CAPN5: variants seen among roughly 807,000 people sequenced by gnomAD.
The protein encoded by CAPN5 is calpain-5.
Under a neutral mutation model 73.0 loss-of-function variants are expected in CAPN5, and 54 were observed. That is an observed-to-expected ratio of 0.74 (90% CI 0.59 to 0.93). CAPN5 has a LOEUF of 0.93. CAPN5 is among the 40% of genes least tolerant of loss of function. The pLI, the probability that CAPN5 is intolerant of heterozygous loss-of-function variation, is 0.00. For synonymous variants in CAPN5, 335 were observed against 356.9 expected (o/e 0.94, Z 0.69); for missense variants, 785 against 882.9 (o/e 0.89, Z 1.41).
At chr11:77,103,342 C>T (rs1950309183) in intron 3 of CAPN5, 3 of 1,601,344 alleles carry the variant, frequency 1.9e-6, no homozygotes, top group Non-Finnish European at 1.7e-6. Context: ...CAGCAGCTGC[C>T]AGCTGCTGCT....
At chr11:77,096,921 C>A (rs1228612506) in intron 3 of CAPN5, among the ~76,000 whole-genome samples, 2 of 152,150 alleles carry the variant, frequency 1.3e-5, no homozygotes, top group Non-Finnish European at 2.9e-5. Flanking sequence ...CCAGTGGAGG[C>A]ATTTAAAAAT....
At chr11:77,084,470 C>A (rs1950060504) in intron 1 of CAPN5, among the ~76,000 whole-genome samples, 3 of 152,196 alleles carry the variant, frequency 2.0e-5, no homozygotes, top group African/African-American at 7.2e-5. Context: ...GAGGCACACG[C>A]TGCTTTCCTG....
intron 1 of CAPN5, among the ~76,000 whole-genome samples, chr11:77,076,593 C>T (rs1949970921): frequency 6.6e-6 from 1 of 152,132 alleles, no homozygotes; most frequent in South Asian, 2.1e-4. Flanking sequence ...TAAAAAATTC[C>T]ACATATGAGT....
At chr11:77,121,778 CTGGGGACTGCCCA>C (rs2135489022) in intron 10 of CAPN5, among the ~76,000 whole-genome samples, 143 bp from the exon 11 acceptor site, 1 of 152,292 alleles carries the variant, frequency 6.6e-6, no homozygotes, top group South Asian at 2.1e-4. Context: ...GGGCTTGGAG[CTGGGGACTGCCCA>C]TGGGGATTTG....
intron 1 of CAPN5, among the ~76,000 whole-genome samples, chr11:77,079,174 T>G (rs1298125091): frequency 6.6e-6 from 1 of 152,042 alleles, no homozygotes; most frequent in Non-Finnish European, 1.5e-5. Flanking sequence ...ATTATTATTT[T>G]TCCCTAGAGA....
chr11:77,088,130 G>C, intron 2 of CAPN5: 1 of 1,467,476 alleles, frequency 6.8e-7, no homozygotes, highest in Non-Finnish European at 9.0e-7. Context: ...TCCCACATCT[G>C]GGTATGAGCC....
intron 1 of CAPN5, among the ~76,000 whole-genome samples, chr11:77,084,189 C>G (rs1273971541): frequency 6.6e-6 from 1 of 152,226 alleles, no homozygotes; most frequent in Non-Finnish European, 1.5e-5. Context: ...CAGTCTGTGT[C>G]CCTTGCACTT....
intron 4 of CAPN5, among the ~76,000 whole-genome samples, chr11:77,113,917 A>G (rs1555041173): frequency 2.0e-5 from 3 of 151,820 alleles, no homozygotes; most frequent in African/African-American, 7.3e-5. Flanking sequence ...CCTTCTCATC[A>G]TTCCCAGCAG....
intron 2 of CAPN5, among the ~76,000 whole-genome samples, chr11:77,092,203 G>A (rs540604904): frequency 3.3e-5 from 5 of 152,268 alleles, no homozygotes; most frequent in Admixed American, 1.3e-4. Context: ...GGTGACAGAC[G>A]AGACCATGCC....
chr11:77,071,497 G>T (rs959852973), intron 1 of CAPN5: 1 of 381,656 alleles, frequency 2.6e-6, no homozygotes. Context: ...GGGCTGGGGA[G>T]TCCCGCTTTA....
rs782431574 is a variant in CAPN5 at position 77,085,100 on chromosome 11, CCACAAGGCTG to C, written c.165+50_165+59del. 6 of 1,553,960 alleles carry C rather than the reference CCACAAGGCTG, an allele frequency of 3.9e-6. No individual in the cohort carries two copies. The East Asian group carries it at 1.4e-4, about 35-fold the overall frequency. The stretch of plus-strand genomic sequence containing the variant: ...GCTGGGTGAGCGGGCCCAGGCCCAC[CCACAAGGCTG>C]GGCCTGCAGGGACATCGGGGTGGTG... On this transcript the variant is annotated intron_variant, in intron 2 of 12. Transcript: ENST00000648180.
At chr11:77,119,330 C>T in intron 9 of CAPN5, 178 bp downstream of exon 9, 2 of 657,088 alleles carry the variant, frequency 3.0e-6, no homozygotes, top group South Asian at 3.9e-5. Context: ...TCACAGAGGG[C>T]CCAGCCTGCC....
At chr11:77,098,094 G>T (rs868978753) in intron 3 of CAPN5, among the ~76,000 whole-genome samples, 2 of 69,974 alleles carry the variant, frequency 2.9e-5, no homozygotes, top group Non-Finnish European at 5.2e-5. Context: ...CTGGCCGGGC[G>T]GGGGGCTGAC....
intron 2 of CAPN5, chr11:77,088,169 G>T: frequency 2.6e-5 from 30 of 1,149,896 alleles, no homozygotes; most frequent in South Asian, 3.2e-5. Flanking sequence ...ATGCACAGGG[G>T]ACAAGGTGGG....
chr11:77,123,918 G>C lies in CAPN5; in HGVS notation c.*48G>C. The C allele has an allele frequency of 6.4e-7, 1 of 1,564,088 alleles. No individual in the cohort carries two copies. Among genetic ancestry groups the C allele is most frequent in the Non-Finnish European group, 8.7e-7 (1 of 1,143,944 alleles). On this transcript the variant is annotated 3_prime_UTR_variant, in exon 13 of 13. Transcript: ENST00000648180. ...TGACCGTTCCCACCACCATCTGCAT[G>C]TCCCCACTGGGCCTGAGTCTAGCCT...
chr11:77,098,844 C>T (rs1950248188), intron 3 of CAPN5, among the ~76,000 whole-genome samples: 2 of 140,916 alleles, frequency 1.4e-5, no homozygotes, highest in African/African-American at 2.8e-5. Flanking sequence ...CCCCCACCTC[C>T]CTCCCGGACG....
chr11:77,085,020 C>A lies in CAPN5; in HGVS notation c.134C>A (p.Pro45Gln), dbSNP rs782029119. ...GACTCACTCTACTATAAGGGCACGC[C>A]GGGGCCCGCCGTCAGGTGGAAGCGA... ...TDDSLYYKGT[P>Q]GPAVRWKRPK... The change falls in exon 2 of 13, where the codon CCG becomes CAG. Residue 45 changes from proline to glutamine, a missense_variant. Transcript: ENST00000648180. 6.2e-7 allele frequency: 1 copy of A among 1,613,502 alleles called. No homozygotes were observed. Among genetic ancestry groups the A allele is most frequent in the South Asian group, 1.1e-5 (1 of 91,082 alleles).
At chr11:77,115,256 G>C in intron 5 of CAPN5, 139 bp from the exon 6 acceptor site, 1 of 652,766 alleles carries the variant, frequency 1.5e-6, no homozygotes, top group Non-Finnish European at 2.6e-6. Context: ...AAAGCTCTGT[G>C]AACACAGCAC....
At position 77,084,992 on chromosome 11, in the gene CAPN5, G is replaced by A. The variant is rs1469113398; in HGVS notation, c.106G>A (p.Asp36Asn). ...LFEDPLFPAT[D>N]DSLYYKGTPG... ...CGAGGACCCCCTCTTCCCCGCCACT[G>A]ACGACTCACTCTACTATAAGGGCAC... Residue 36 changes from aspartate (D) to asparagine (N), a missense_variant, in exon 2 of 13, where the codon GAC becomes AAC. Coordinates refer to ENST00000648180, the MANE Select transcript of CAPN5 (RefSeq NM_004055.5). 6.2e-7 allele frequency: 1 copy of A among 1,613,762 alleles called. No homozygotes were observed. The highest frequency in any genetic ancestry group is 8.5e-7 in the Non-Finnish European group (1 of 1,180,056).
Sources: allele counts gnomAD v4.1 joint callset (sites outside exome capture counted in the v4.1 genomes callset), GRCh38; gene constraint gnomAD v4.1.1; transcripts MANE v1.5; gene names NCBI Gene and HGNC (gene_info 2026-07-23, HGNC 2026-07-21).